EHMT1: variants seen among roughly 807,000 people sequenced by gnomAD.
The protein encoded by EHMT1 is histone-lysine N-methyltransferase EHMT1.
EHMT1 carries 15 observed loss-of-function variants against 147.2 expected under a neutral mutation model. That is an observed-to-expected ratio of 0.10 (90% CI 0.07 to 0.16). The LOEUF (loss-of-function observed/expected upper bound fraction) is 0.16. Ranked by LOEUF, EHMT1 falls within the 10% of genes least tolerant of loss-of-function variation. The pLI is 1.00. For synonymous variants in EHMT1, 795 were observed against 709.6 expected (o/e 1.12, Z -1.91); for missense variants, 1,587 against 1,772.4 (o/e 0.90, Z 1.88).
Position 137,776,503 on chromosome 9 carries a change from G to A in EHMT1, c.1792-115G>A. 1 of 1,019,312 alleles carries A rather than the reference G, an allele frequency of 9.8e-7. No individual in the cohort carries two copies. 63.1% of individuals were successfully genotyped at this position (1,019,312 alleles called of 1,614,324 possible). A position where few individuals can be genotyped will look rare whatever the true frequency, so the allele number is the denominator to read the frequency against. On this transcript the variant is annotated intron_variant, in intron 11 of 26. Transcript: ENST00000460843. The surrounding 1 kb of genome is among the most constrained non-coding windows in gnomAD (Gnocchi z 4.4). Reference sequence around the variant, plus strand: ...AAGACTGGACCCCACCCCGACCCATGGCTCACTCTGCAGACCGCCCGATGT... The same window carrying A: ...AAGACTGGACCCCACCCCGACCCATAGCTCACTCTGCAGACCGCCCGATGT...
chr9:137,673,021 C>T (rs1297931464), intron 1 of EHMT1, among the ~76,000 whole-genome samples: 3 of 152,160 alleles, frequency 2.0e-5, no homozygotes, highest in Admixed American at 6.5e-5. Flanking sequence ...GTTCTAGGTC[C>T]GAAGGCTGAC....
At chr9:137,692,883 C>T (rs1943063634) in intron 1 of EHMT1, among the ~76,000 whole-genome samples, 1 of 151,980 alleles carries the variant, frequency 6.6e-6, no homozygotes, top group African/African-American at 2.4e-5. Context: ...GGGGTGAACA[C>T]GTGCGGGCAG....
At chr9:137,663,095 G>A (rs1022829525) in intron 1 of EHMT1, among the ~76,000 whole-genome samples, 3 of 152,104 alleles carry the variant, frequency 2.0e-5, no homozygotes, top group African/African-American at 7.2e-5. Flanking sequence ...GCCCAGTCCT[G>A]GCCTGGAATT....
intron 9 of EHMT1, among the ~76,000 whole-genome samples, chr9:137,760,981 T>C (rs1308056163): frequency 1.3e-5 from 2 of 152,176 alleles, no homozygotes; most frequent in African/African-American, 4.8e-5. Context: ...CACTCCAGCC[T>C]GGGCGACAGA....
chr9:137,715,581 G>C (rs185599232), intron 2 of EHMT1: 17 of 985,310 alleles, frequency 1.7e-5, no homozygotes, highest in Middle Eastern at 5.2e-4. Flanking sequence ...ACTGAGCTCC[G>C]TGTGCACCTA....
intron 1 of EHMT1, among the ~76,000 whole-genome samples, chr9:137,656,843 C>G (rs745882857): frequency 3.3e-5 from 5 of 152,106 alleles, no homozygotes; most frequent in Non-Finnish European, 7.4e-5. Context: ...CAGGTTCAAG[C>G]GATTCTCCTG....
Position 137,728,468 on chromosome 9 carries a change from A to G in EHMT1, c.762A>G (p.Pro254=), listed in dbSNP as rs1287396690. 6.2e-7 allele frequency: 1 copy of G among 1,614,006 alleles called. No individual in the cohort carries two copies. The highest frequency in any genetic ancestry group is 8.5e-7 in the Non-Finnish European group (1 of 1,179,946). ...FGRQQLLPPF[P]SLHQSLPQNQ... Reference sequence around the variant, plus strand: ...GACAGCAGCTTTTACCCCCCTTCCCATCCCTTCATCAGTCGCTACCTCAGA... The same window carrying G: ...GACAGCAGCTTTTACCCCCCTTCCCGTCCCTTCATCAGTCGCTACCTCAGA... The change falls in exon 4 of 27, where the codon CCA becomes CCG. Residue 254 remains proline (P), a synonymous_variant. Transcript: ENST00000460843.
Position 137,817,431 on chromosome 9 carries a change from T to C in EHMT1, c.3375-8T>C. ...GGCCTGGGTTCACCACTACTCTCTA[T>C]TTTTCAGGGCAAGGCTGCAGCTCTA... is the stretch of plus-strand genomic sequence containing the variant. On this transcript the variant is annotated splice_region_variant and splice_polypyrimidine_tract_variant and intron_variant, in intron 23 of 26. Transcript: ENST00000460843. 6.2e-7 allele frequency: 1 copy of C among 1,614,064 alleles called. No individual in the cohort carries two copies. Among genetic ancestry groups the C allele is most frequent in the Non-Finnish European group, 8.5e-7 (1 of 1,179,998 alleles).
intron 10 of EHMT1, among the ~76,000 whole-genome samples, chr9:137,772,456 C>T (rs1047830679): frequency 6.6e-6 from 1 of 152,194 alleles, no homozygotes; most frequent in African/African-American, 2.4e-5. Flanking sequence ...AGGGTGACCC[C>T]TCACCTGCGC....
chr9:137,742,463 A>G (rs553625352), intron 4 of EHMT1, among the ~76,000 whole-genome samples: 5 of 152,254 alleles, frequency 3.3e-5, no homozygotes, highest in African/African-American at 1.2e-4. Context: ...AGCTTTAAAC[A>G]GAGTGGATTT....
intron 13 of EHMT1, among the ~76,000 whole-genome samples, chr9:137,778,287 C>G (rs955734646): frequency 8.5e-5 from 13 of 152,242 alleles, no homozygotes; most frequent in Admixed American, 2.0e-4. Flanking sequence ...GGAGGCAGGT[C>G]TTGGTGAGCT....
At chr9:137,625,848 T>C (rs1405774901) in intron 1 of EHMT1, among the ~76,000 whole-genome samples, 1 of 151,562 alleles carries the variant, frequency 6.6e-6, no homozygotes, top group East Asian at 1.9e-4. Context: ...ATATTTTTTG[T>C]TTTGTTTTGT....
At chr9:137,668,221 A>G (rs921029866) in intron 1 of EHMT1, among the ~76,000 whole-genome samples, 17 of 152,236 alleles carry the variant, frequency 1.1e-4, no homozygotes, top group African/African-American at 4.1e-4. Flanking sequence ...AGTCTAACTG[A>G]CCTGGGACTT....
chr9:137,760,639 C>T (rs957428627), intron 9 of EHMT1, among the ~76,000 whole-genome samples: 5 of 152,104 alleles, frequency 3.3e-5, no homozygotes, highest in Admixed American at 6.5e-5. Context: ...CTCTCCTGGC[C>T]GTGACCAATA....
Position 137,776,493 on chromosome 9 carries a change from C to CCCGA in EHMT1, c.1792-122_1792-119dup. Reference sequence around the variant, plus strand: ...GCCTGGGGCCAAGACTGGACCCCACCCCGACCCATGGCTCACTCTGCAGAC... The same window carrying CCCGA: ...GCCTGGGGCCAAGACTGGACCCCACCCCGACCGACCCATGGCTCACTCTGCAGAC... On this transcript the variant is annotated intron_variant, in intron 11 of 26. Coordinates refer to ENST00000460843, the MANE Select transcript of EHMT1 (RefSeq NM_024757.5). The surrounding 1 kb of genome is among the most constrained non-coding windows in gnomAD (Gnocchi z 4.4). 1.1e-6 allele frequency: 1 copy of CCCGA among 916,208 alleles called. No homozygotes were observed. Among genetic ancestry groups the CCCGA allele is most frequent in the Middle Eastern group, 3.2e-4 (1 of 3,156 alleles). The allele number at this position is 916,208 out of a possible 1,614,324, so 56.8% of individuals were successfully genotyped here. A position where few individuals can be genotyped will look rare whatever the true frequency, so the allele number is the denominator to read the frequency against.
At chr9:137,814,849 A>G in intron 22 of EHMT1, 1 of 466,008 alleles carries the variant, frequency 2.1e-6, no homozygotes, top group Non-Finnish European at 4.0e-6. Flanking sequence ...GTGCTTGCTG[A>G]GTGTGAGGGG....
intron 10 of EHMT1, among the ~76,000 whole-genome samples, chr9:137,770,376 C>T (rs1025460300): frequency 2.0e-5 from 3 of 152,226 alleles, no homozygotes; most frequent in African/African-American, 4.8e-5. Flanking sequence ...TAGCGTTTTA[C>T]GCTGACGTTC....
intron 10 of EHMT1, among the ~76,000 whole-genome samples, chr9:137,769,142 ATACC>A (rs1469214161): frequency 6.6e-6 from 1 of 152,258 alleles, no homozygotes; most frequent in Non-Finnish European, 1.5e-5. Context: ...ACAAATCATT[ATACC>A]ACATAACATA....
chr9:137,781,157 G>GGCATCA (rs1382645810), intron 14 of EHMT1, among the ~76,000 whole-genome samples: 5 of 72,006 alleles, frequency 6.9e-5, no homozygotes, highest in African/African-American at 1.6e-4. Context: ...TGGTGATGAC[G>GGCATCA]CTGAGACGTG....
Sources: allele counts gnomAD v4.1 joint callset (sites outside exome capture counted in the v4.1 genomes callset), GRCh38; gene constraint gnomAD v4.1.1; non-coding constraint Gnocchi (gnomAD v3.1); transcripts MANE v1.5; gene names NCBI Gene and HGNC (gene_info 2026-07-23, HGNC 2026-07-21).